Variants in PCSK2 observed in about 807,000 individuals in gnomAD.
The protein encoded by PCSK2 is neuroendocrine convertase 2.
In PCSK2, 14 loss-of-function variants were observed where a neutral mutation model predicts 69.7. The ratio of observed to expected loss-of-function variants is 0.20; its 90% confidence interval spans 0.13 to 0.31. The LOEUF (loss-of-function observed/expected upper bound fraction) is 0.31, where lower values mean the gene tolerates loss of function less well. PCSK2 is among the 10% of genes least tolerant of loss of function. The probability of loss-of-function intolerance (pLI) is 1.00; values close to 1 mark genes in which losing one functional copy is unlikely to be tolerated. For missense variants in PCSK2, 544 were observed against 842.5 expected (o/e 0.65, Z 4.39); for synonymous variants, 307 against 320.7 (o/e 0.96, Z 0.46).
intron 1 of PCSK2, among the ~76,000 whole-genome samples, chr20:17,254,273 C>T (rs953767018): frequency 1.6e-4 from 25 of 152,124 alleles, no homozygotes; most frequent in African/African-American, 6.0e-4. Flanking sequence ...ATTGCCTAAC[C>T]TAAAGCCATG....
chr20:17,267,655 A>G (rs955083896), intron 2 of PCSK2, among the ~76,000 whole-genome samples: 4 of 151,998 alleles, frequency 2.6e-5, no homozygotes, highest in Non-Finnish European at 4.4e-5. Context: ...TTTTTTCTAG[A>G]TGCTGTTTTT....
intron 5 of PCSK2, among the ~76,000 whole-genome samples, chr20:17,395,323 C>A (rs2031486908): frequency 6.6e-6 from 1 of 152,154 alleles, no homozygotes; most frequent in African/African-American, 2.4e-5. Flanking sequence ...TGACGGTAGT[C>A]CTGATTTTGC....
At chr20:17,309,188 A>T (rs1989425308) in intron 2 of PCSK2, among the ~76,000 whole-genome samples, 1 of 152,170 alleles carries the variant, frequency 6.6e-6, no homozygotes, top group Non-Finnish European at 1.5e-5. Flanking sequence ...AAGAGAAGTG[A>T]GTCAATGAAG....
At chr20:17,280,497 G>C (rs1455831270) in intron 2 of PCSK2, among the ~76,000 whole-genome samples, 1 of 152,180 alleles carries the variant, frequency 6.6e-6, no homozygotes, top group Non-Finnish European at 1.5e-5. Context: ...TTGTGTTTTA[G>C]AAAGTGTGGC....
chr20:17,460,209 AT>A (rs960436967), intron 10 of PCSK2, among the ~76,000 whole-genome samples: 3 of 152,188 alleles, frequency 2.0e-5, no homozygotes, highest in African/African-American at 7.2e-5. Flanking sequence ...GGGCAAAAAA[AT>A]AAATAAATAA....
At chr20:17,301,760 G>T (rs561517355) in intron 2 of PCSK2, among the ~76,000 whole-genome samples, 3 of 152,066 alleles carry the variant, frequency 2.0e-5, no homozygotes, top group Admixed American at 6.5e-5. Flanking sequence ...GTGAAACCCA[G>T]TGTCTACTAA....
chr20:17,292,288 T>G (rs139279327), intron 2 of PCSK2, among the ~76,000 whole-genome samples: 16 of 152,126 alleles, frequency 1.1e-4, no homozygotes, highest in African/African-American at 3.9e-4. Context: ...TTTAAAGCAT[T>G]TTTTCTTGTT....
chr20:17,244,637 C>T (rs1986706578), intron 1 of PCSK2, among the ~76,000 whole-genome samples: 1 of 152,168 alleles, frequency 6.6e-6, no homozygotes, highest in African/African-American at 2.4e-5. Context: ...TCTACCAAAA[C>T]TTTCCAGTTA....
chr20:17,226,492 G>A (rs1426877863), upstream of PCSK2: 3 of 151,032 alleles, frequency 2.0e-5, no homozygotes, highest in Non-Finnish European at 4.4e-5. Context: ...GGGGAGGCAA[G>A]TATGCCTTGG....
intron 11 of PCSK2, chr20:17,479,338 C>A (rs2033349138): frequency 4.0e-6 from 3 of 754,660 alleles, no homozygotes; most frequent in Admixed American, 3.8e-5. Context: ...TAATCTTCAC[C>A]ACCTAAAACC....
chr20:17,465,134 C>A (rs1046686129), intron 10 of PCSK2, 192 bp from the exon 11 acceptor site: 9 of 599,314 alleles, frequency 1.5e-5, no homozygotes, highest in Non-Finnish European at 2.1e-5. Flanking sequence ...AAGAAGATTT[C>A]TTTAATTGAC....
intron 2 of PCSK2, among the ~76,000 whole-genome samples, chr20:17,290,578 C>G (rs1988663883): frequency 1.3e-5 from 2 of 152,014 alleles, no homozygotes; most frequent in African/African-American, 4.8e-5. Context: ...AATAACTGGC[C>G]CTGGTCATAC....
intron 1 of PCSK2, among the ~76,000 whole-genome samples, chr20:17,245,056 G>A (rs984341619): frequency 2.6e-5 from 4 of 152,072 alleles, no homozygotes; most frequent in Admixed American, 2.0e-4. Flanking sequence ...AGGCACCCAT[G>A]ACCTCAGGTA....
intron 5 of PCSK2, among the ~76,000 whole-genome samples, chr20:17,386,358 G>A (rs977567019): frequency 1.3e-5 from 2 of 152,076 alleles, no homozygotes; most frequent in Non-Finnish European, 2.9e-5. Context: ...TCAATCAATC[G>A]ATGAATGGAG....
chr20:17,227,514 T>C (rs2122919913), intron 1 of PCSK2, 32 bp downstream of exon 1: 14 of 1,498,540 alleles, frequency 9.3e-6, no homozygotes, highest in Non-Finnish European at 1.2e-5. Flanking sequence ...GCATGTTGTT[T>C]CAAAACGGGG....
At chr20:17,252,223 A>C (rs2122978701) in intron 1 of PCSK2, among the ~76,000 whole-genome samples, 1 of 152,328 alleles carries the variant, frequency 6.6e-6, no homozygotes, top group East Asian at 1.9e-4. Context: ...GTTTAAAAAA[A>C]AGCTGTGGCT....
chr20:17,474,768 A>G (rs138025540), intron 11 of PCSK2, among the ~76,000 whole-genome samples: 1 of 152,300 alleles, frequency 6.6e-6, no homozygotes, highest in Admixed American at 6.5e-5. Context: ...CTTAATGTCA[A>G]AGTGGTCGCC....
chr20:17,407,540 C>G (rs1308760924), intron 5 of PCSK2, among the ~76,000 whole-genome samples: 1 of 152,020 alleles, frequency 6.6e-6, no homozygotes, highest in Non-Finnish European at 1.5e-5. Context: ...ACAGAACACC[C>G]TTGGGGAAGA....
chr20:17,433,844 C>G (rs1600576265), intron 7 of PCSK2, among the ~76,000 whole-genome samples: 1 of 92,604 alleles, frequency 1.1e-5, no homozygotes, highest in East Asian at 4.5e-4. Flanking sequence ...CCTCCTCCCC[C>G]CCTTCCTCCC....
Sources: allele counts gnomAD v4.1 joint callset (sites outside exome capture counted in the v4.1 genomes callset), GRCh38; gene constraint gnomAD v4.1.1; transcripts MANE v1.5; gene names NCBI Gene and HGNC (gene_info 2026-07-23, HGNC 2026-07-21).